Variants in SYN2 observed in about 807,000 individuals in gnomAD.
SYN2 encodes synapsin II.
A neutral mutation model predicts 50.9 loss-of-function variants in SYN2; 19 were observed. That is an observed-to-expected ratio of 0.37 (90% CI 0.26 to 0.55). The LOEUF is 0.55. Among genes scored for constraint, SYN2 ranks in the 20% least tolerant of loss-of-function variants. The pLI is 0.81. For synonymous variants in SYN2, 255 were observed against 224.9 expected, an observed-to-expected ratio of 1.13 and a Z score of -1.20; for missense variants, 587 against 576.4, an observed-to-expected ratio of 1.02 and a Z score of -0.19.
chr3:12,154,415 AGATG>A (rs1176935222), intron 5 of SYN2: 1 of 1,614,198 alleles, frequency 6.2e-7, no homozygotes. Flanking sequence ...GTAGTTGCAC[AGATG>A]GATGAAGACT....
chr3:12,007,616 G>A (rs1693826958), intron 1 of SYN2, among the ~76,000 whole-genome samples: 1 of 152,170 alleles, frequency 6.6e-6, no homozygotes, highest in Non-Finnish European at 1.5e-5. Flanking sequence ...TCTGGTGCTG[G>A]AATAGGAAGT....
At chr3:12,005,067 G>A (rs1244979313) in intron 1 of SYN2, 139 bp downstream of exon 1, 3 of 388,026 alleles carry the variant, frequency 7.7e-6, no homozygotes, top group Non-Finnish European at 1.4e-5. Flanking sequence ...GGGAGGAGGT[G>A]CGGGCTGAGC....
At chr3:12,164,400 G>T (rs1697729892) in intron 7 of SYN2, among the ~76,000 whole-genome samples, 9 of 152,188 alleles carry the variant, frequency 5.9e-5, no homozygotes, top group Admixed American at 5.9e-4. Flanking sequence ...TTTTTGGTGT[G>T]CAAGGGACCG....
chr3:12,141,989 G>T lies in SYN2; in HGVS notation c.520G>T (p.Val174Phe), dbSNP rs112883747. 1.0e-5 allele frequency: 8 copies of T among 780,816 alleles called. No homozygotes were observed. The highest frequency in any genetic ancestry group is 3.4e-5 in the African/African-American group (2 of 59,264). 48.4% of individuals were successfully genotyped at this position (780,816 alleles called of 1,614,324 possible). ...GCAGGTTCTCCGGAATGGCACAAAG[G>T]TTGTCCGGTAAGGGTCTTTCTGTCC... ...DMQVLRNGTKVVRSFRPDFVL... is the reference protein window; with the variant it reads ...DMQVLRNGTKFVRSFRPDFVL... The change falls in exon 3 of 13, where the codon GTT (valine) becomes TTT (phenylalanine). Residue 174 changes from valine to phenylalanine, a missense_variant. Val to Phe is a conservative substitution (Grantham distance 50). Transcript: ENST00000621198.
rs754318717 is a variant in SYN2 at position 12,158,544 on chromosome 3, A to G, written c.775-3002A>G. The G allele has an allele frequency of 9.9e-5, 106 of 1,073,800 alleles. 1 individual carries two copies. In the East Asian group the frequency reaches 2.0e-3, roughly 20 times the overall value. The allele number at this position is 1,073,800 out of a possible 1,614,324, so 66.5% of individuals were successfully genotyped here. On this transcript the variant is annotated intron_variant, in intron 5 of 12. Transcript: ENST00000621198. ...CAGGTTCTGGGCTTGCAAGGTTGCT[A>G]TGGCGCCTGGTCCTTCTCCACCCAT...
At chr3:12,176,980 G>C (rs528378306) in intron 10 of SYN2, among the ~76,000 whole-genome samples, 1 of 152,144 alleles carries the variant, frequency 6.6e-6, no homozygotes, top group Non-Finnish European at 1.5e-5. Flanking sequence ...GGGAGGGCTG[G>C]GGACTGGGGC....
At chr3:12,023,122 G>A (rs1350650475) in intron 1 of SYN2, among the ~76,000 whole-genome samples, 1 of 152,046 alleles carries the variant, frequency 6.6e-6, no homozygotes, top group Non-Finnish European at 1.5e-5. Flanking sequence ...ATGTGGATGA[G>A]AATGCCTATT....
chr3:12,117,178 A>G (rs1402751618), intron 1 of SYN2, among the ~76,000 whole-genome samples: 1 of 152,180 alleles, frequency 6.6e-6, no homozygotes, highest in Non-Finnish European at 1.5e-5. Flanking sequence ...TTACAACCCC[A>G]TGTCCTTTTC....
At chr3:12,088,873 A>C (rs1695767650) in intron 1 of SYN2, among the ~76,000 whole-genome samples, 1 of 152,190 alleles carries the variant, frequency 6.6e-6, no homozygotes, top group African/African-American at 2.4e-5. Flanking sequence ...GACTAGGGGA[A>C]GTGGTGGAAG....
intron 1 of SYN2, among the ~76,000 whole-genome samples, chr3:12,118,404 A>C (rs1296461744): frequency 6.6e-6 from 1 of 152,222 alleles, no homozygotes; most frequent in Non-Finnish European, 1.5e-5. Context: ...CTCTAAAAAT[A>C]CGTGAATGAA....
chr3:12,051,085 C>G lies in SYN2; in HGVS notation c.377+46157C>G, dbSNP rs1177617382. On this transcript the variant is annotated intron_variant, in intron 1 of 12. Transcript: ENST00000621198. ...AAACAGAGACCCAAAAATAGAATAGCAAAAGGATTAATGTCTTGTTGACAG... is the reference window on the plus strand; with the variant it reads ...AAACAGAGACCCAAAAATAGAATAGGAAAAGGATTAATGTCTTGTTGACAG... Among the ~76,000 whole-genome samples, 3 of 151,998 alleles carry G rather than the reference C, an allele frequency of 2.0e-5. No homozygotes were observed. The East Asian group carries it at 5.8e-4, about 29-fold the overall frequency.
intron 1 of SYN2, among the ~76,000 whole-genome samples, chr3:12,137,911 T>C (rs2125214265): frequency 6.6e-6 from 1 of 152,316 alleles, no homozygotes; most frequent in African/African-American, 2.4e-5. Context: ...ATAGATTGAT[T>C]GATTGGTTTA....
chr3:12,085,598 A>C (rs1464836539), intron 1 of SYN2, among the ~76,000 whole-genome samples: 1 of 152,192 alleles, frequency 6.6e-6, no homozygotes, highest in Admixed American at 6.5e-5. Flanking sequence ...GAAATTAATA[A>C]CGGCATCTTG....
intron 1 of SYN2, among the ~76,000 whole-genome samples, chr3:12,083,058 C>T (rs1695615545): frequency 6.6e-6 from 1 of 152,154 alleles, no homozygotes; most frequent in Non-Finnish European, 1.5e-5. Flanking sequence ...GTTGCCCAGA[C>T]TGGAGTGCAC....
Position 12,134,877 on chromosome 3 carries a change from C to T in SYN2, c.378-5774C>T, listed in dbSNP as rs60551288. 4.4e-4 allele frequency among the ~76,000 whole-genome samples: 67 copies of T among 152,256 alleles called. 1 individual carries two copies. The highest frequency in any genetic ancestry group is 1.4e-3 in the African/African-American group (60 of 41,552). On this transcript the variant is annotated intron_variant, in intron 1 of 12. Coordinates refer to ENST00000621198, the MANE Select transcript of SYN2 (RefSeq NM_133625.6). Reference sequence around the variant, plus strand: ...GCAGTGACCCCCATGTAGATATTGGCGTCCTTTTGTAGACTCTGCTTTCTG... The same window carrying T: ...GCAGTGACCCCCATGTAGATATTGGTGTCCTTTTGTAGACTCTGCTTTCTG...
chr3:12,177,424 G>C (rs555840749), intron 10 of SYN2, among the ~76,000 whole-genome samples: 1 of 152,156 alleles, frequency 6.6e-6, no homozygotes, highest in East Asian at 1.9e-4. Context: ...AGCCACCCGT[G>C]TTCTAAAATA....
At chr3:12,065,573 T>C (rs2125164956) in intron 1 of SYN2, among the ~76,000 whole-genome samples, 1 of 152,264 alleles carries the variant, frequency 6.6e-6, no homozygotes, top group Non-Finnish European at 1.5e-5. Context: ...CTGGAGGCCA[T>C]TATCCTAAAT....
intron 1 of SYN2, among the ~76,000 whole-genome samples, chr3:12,073,807 TAAG>T (rs1422727019): frequency 1.3e-5 from 2 of 152,186 alleles, no homozygotes; most frequent in Non-Finnish European, 2.9e-5. Context: ...CATATGTGCT[TAAG>T]AAGAATGTAC....
intron 1 of SYN2, among the ~76,000 whole-genome samples, chr3:12,020,192 GCTT>G (rs1199491026): frequency 6.6e-6 from 1 of 152,120 alleles, no homozygotes; most frequent in Non-Finnish European, 1.5e-5. Context: ...TTCTTTTAAA[GCTT>G]CTTATTTTTC....
Sources: gnomAD v4.1 joint callset for allele counts (sites outside exome capture counted in the v4.1 genomes callset) on GRCh38, gnomAD v4.1.1 for gene constraint, MANE v1.5 for transcripts, NCBI Gene and HGNC (gene_info 2026-07-23, HGNC 2026-07-21) for gene names.